The following ARHGAP42 variants were observed in gnomAD, a reference collection of about 807,000 sequenced individuals.
ARHGAP42 encodes rho GTPase-activating protein 42.
In ARHGAP42, 63 loss-of-function variants were observed where a neutral mutation model predicts 125.0. The observed-to-expected ratio is 0.50, with a 90% CI of 0.41 to 0.62. The LOEUF (loss-of-function observed/expected upper bound fraction) is 0.62, where lower values mean the gene tolerates loss of function less well. Among genes scored for constraint, ARHGAP42 ranks in the 20% least tolerant of loss-of-function variants. ARHGAP42 has a pLI of 0.00. For missense variants in ARHGAP42, 766 were observed against 1,024.2 expected (o/e 0.75, Z 3.44); for synonymous variants, 339 against 351.0 (o/e 0.97, Z 0.38).
chr11:100,904,675 G>A (rs181091787), intron 4 of ARHGAP42, among the ~76,000 whole-genome samples: 3 of 152,112 alleles, frequency 2.0e-5, no homozygotes, highest in African/African-American at 7.2e-5. Context: ...AGGAAGTGAA[G>A]TGCTATGGTT....
At chr11:100,972,849 G>C (rs1207132490) in intron 17 of ARHGAP42, among the ~76,000 whole-genome samples, 1 of 152,160 alleles carries the variant, frequency 6.6e-6, no homozygotes, top group African/African-American at 2.4e-5. Flanking sequence ...ATTCTTAACT[G>C]TTTGTTCCAA....
At chr11:100,817,397 G>T (rs905799591) in intron 3 of ARHGAP42, among the ~76,000 whole-genome samples, 1 of 152,062 alleles carries the variant, frequency 6.6e-6, no homozygotes, top group Non-Finnish European at 1.5e-5. Context: ...AATTAGTTGG[G>T]GGTACTTATT....
chr11:100,900,234 C>T (rs1016943692), intron 4 of ARHGAP42, among the ~76,000 whole-genome samples: 7 of 152,066 alleles, frequency 4.6e-5, no homozygotes, highest in African/African-American at 1.7e-4. Context: ...GAGTATTGGC[C>T]CCCACTCTCT....
chr11:100,827,412 TACTTTGTGAAGCTG>T lies in ARHGAP42; in HGVS notation c.313-32140_313-32127del, dbSNP rs1220725259. Among the ~76,000 whole-genome samples, 42 of 152,222 alleles carry T rather than the reference TACTTTGTGAAGCTG, an allele frequency of 2.8e-4. 1 individual carries two copies. Among genetic ancestry groups the T allele is most frequent in the Non-Finnish European group, 3.7e-4 (25 of 68,042 alleles). ...TCATGGTAGTCTGGTATGCAACTCA[TACTTTGTGAAGCTG>T]ATGTGGCCTGTGGCATGTGGAAAAG... On this transcript the variant is annotated intron_variant, in intron 3 of 23. Coordinates refer to ENST00000298815, the MANE Select transcript of ARHGAP42 (RefSeq NM_152432.4).
intron 3 of ARHGAP42, among the ~76,000 whole-genome samples, chr11:100,814,048 C>A (rs1229257313): frequency 6.6e-6 from 1 of 152,110 alleles, no homozygotes; most frequent in East Asian, 1.9e-4. Context: ...AAAAAATTAG[C>A]TGGGCATGGT....
intron 4 of ARHGAP42, among the ~76,000 whole-genome samples, chr11:100,878,556 G>A (rs934530969): frequency 3.3e-5 from 5 of 152,144 alleles, no homozygotes; most frequent in African/African-American, 1.2e-4. Flanking sequence ...TGAGGGAAAG[G>A]AAAGTGGTTT....
intron 16 of ARHGAP42, among the ~76,000 whole-genome samples, chr11:100,964,930 G>C (rs925139783): frequency 6.6e-6 from 1 of 152,120 alleles, no homozygotes; most frequent in African/African-American, 2.4e-5. Context: ...TTGCCACACT[G>C]CTATGAAGAA....
intron 9 of ARHGAP42, among the ~76,000 whole-genome samples, chr11:100,942,194 C>G (rs1565286876): frequency 6.6e-6 from 1 of 152,124 alleles, no homozygotes; most frequent in Non-Finnish European, 1.5e-5. Flanking sequence ...GGTTGGCTAG[C>G]AGCCCAGGAA....
intron 1 of ARHGAP42, among the ~76,000 whole-genome samples, chr11:100,706,234 G>T (rs77886008): frequency 5.5e-4 from 83 of 152,238 alleles, no homozygotes; most frequent in Non-Finnish European, 1.0e-3. Context: ...TGGATGATTT[G>T]ATTACTTCCC....
chr11:100,980,559 C>CTTCTTCTTTT (rs1555037006), intron 22 of ARHGAP42, among the ~76,000 whole-genome samples: 21 of 51,956 alleles, frequency 4.0e-4, no homozygotes, highest in Non-Finnish European at 7.3e-4. Flanking sequence ...TTTTCTTCTT[C>CTTCTTCTTTT]TTTTTTTTTT....
At chr11:100,767,205 C>T (rs933901484) in intron 1 of ARHGAP42, among the ~76,000 whole-genome samples, 1 of 152,152 alleles carries the variant, frequency 6.6e-6, no homozygotes, top group African/African-American at 2.4e-5. Flanking sequence ...TGAGTGCTTT[C>T]TATGTGTTTG....
intron 4 of ARHGAP42, among the ~76,000 whole-genome samples, chr11:100,862,767 A>G (rs1865473451): frequency 6.6e-6 from 1 of 152,160 alleles, no homozygotes; most frequent in African/African-American, 2.4e-5. Context: ...GTGGTGGCTC[A>G]TGCCGGTAAT....
chr11:100,911,303 A>G (rs755691660), intron 4 of ARHGAP42, among the ~76,000 whole-genome samples: 1 of 152,198 alleles, frequency 6.6e-6, no homozygotes, highest in Non-Finnish European at 1.5e-5. Context: ...TTGAGTATTC[A>G]TTAGGTATTC....
rs371725075 is a variant in ARHGAP42, at chr11:100,840,531, C to A, written c.313-19023C>A. The A allele has an allele frequency of 9.2e-5, 14 of 152,144 alleles. No individual in the cohort carries two copies. The East Asian group carries it at 2.5e-3, about 27-fold the overall frequency. 9.4% of individuals were successfully genotyped at this position (152,144 alleles called of 1,614,324 possible). ...TAGTATTTAATGTTAATTTCCTTTA[C>A]GTTTTTTGACCATGTAATTTGATCT... On this transcript the variant is annotated intron_variant, in intron 3 of 23. Coordinates refer to ENST00000298815, the MANE Select transcript of ARHGAP42 (RefSeq NM_152432.4).
intron 1 of ARHGAP42, among the ~76,000 whole-genome samples, chr11:100,725,858 C>A (rs1403697352): frequency 6.7e-6 from 1 of 148,912 alleles, no homozygotes; most frequent in East Asian, 2.0e-4. Flanking sequence ...TGGCGCGAAC[C>A]CGGGAGGCGG....
intron 1 of ARHGAP42, among the ~76,000 whole-genome samples, chr11:100,750,703 T>TGGAGAATGAGTCAGGGC (rs1203162383): frequency 6.6e-5 from 10 of 151,902 alleles, no homozygotes; most frequent in African/African-American, 2.4e-4. Context: ...TGAGTCAGGG[T>TGGAGAATGAGTCAGGGC]GGAGAATGAG....
At chr11:100,852,618 T>C (rs1197520625) in intron 3 of ARHGAP42, among the ~76,000 whole-genome samples, 2 of 152,214 alleles carry the variant, frequency 1.3e-5, no homozygotes, top group East Asian at 3.9e-4. Flanking sequence ...GGTTAGAACA[T>C]GTAAAAAGAA....
intron 7 of ARHGAP42, among the ~76,000 whole-genome samples, chr11:100,934,136 G>A (rs1031390229): frequency 6.6e-6 from 1 of 152,186 alleles, no homozygotes; most frequent in South Asian, 2.1e-4. Flanking sequence ...GTGAAATGAA[G>A]GATTGTACTT....
chr11:100,987,858 G>C (rs1310724132), intron 23 of ARHGAP42, among the ~76,000 whole-genome samples: 1 of 146,084 alleles, frequency 6.8e-6, no homozygotes, highest in African/African-American at 2.5e-5. Context: ...GGCCAGGCGC[G>C]GTGACTCATG....
Sources: gnomAD v4.1 joint callset for allele counts (sites outside exome capture counted in the v4.1 genomes callset) on GRCh38, gnomAD v4.1.1 for gene constraint, MANE v1.5 for transcripts, NCBI Gene and HGNC (gene_info 2026-07-23, HGNC 2026-07-21) for gene names.